Variants in MDN1 observed in about 807,000 individuals in gnomAD.
The protein encoded by MDN1 is midasin AAA ATPase 1, also known as midasin.
A neutral mutation model predicts 669.2 loss-of-function variants in MDN1; 266 were observed. The ratio of observed to expected loss-of-function variants is 0.40; its 90% CI spans 0.36 to 0.44. The LOEUF (loss-of-function observed/expected upper bound fraction) is 0.44. MDN1 is among the 20% of genes least tolerant of loss of function. The probability of loss-of-function intolerance (pLI) is 1.00; values close to 1 mark genes in which losing one functional copy is unlikely to be tolerated. For synonymous variants in MDN1, 2,385 were observed against 2,457.1 expected (o/e 0.97, Z 0.87); for missense variants, 5,940 against 6,754.0 (o/e 0.88, Z 4.22).
chr6:89,773,220 T>C (rs566818909), intron 13 of MDN1, among the ~76,000 whole-genome samples: 1 of 152,194 alleles, frequency 6.6e-6, no homozygotes, highest in East Asian at 1.9e-4. Flanking sequence ...CTGGTGTCCT[T>C]ATAAGAGGAA....
intron 83 of MDN1, among the ~76,000 whole-genome samples, chr6:89,670,377 A>C (rs1421403591): frequency 6.6e-6 from 1 of 151,020 alleles, no homozygotes; most frequent in Non-Finnish European, 1.5e-5. Flanking sequence ...GTTTCATCAT[A>C]ATATTGGTCA....
chr6:89,674,445 C>T lies in MDN1; in HGVS notation c.12906G>A (p.Glu4302=), dbSNP rs199799891. The change falls in exon 79 of 102, where the codon GAG becomes GAA. Residue 4302 remains glutamate, a synonymous_variant. Transcript: ENST00000369393. ...HLAMQCQILL[E]QLSWLLQCCP... is the part of the protein sequence containing the mutation. Reference sequence around the variant, plus strand: ...AGCACTGGAGGAGCCAGGAGAGCTGCTCAAGCAGGATCTGGCACTGCATGG... The same window carrying T: ...AGCACTGGAGGAGCCAGGAGAGCTGTTCAAGCAGGATCTGGCACTGCATGG... 1 of 1,614,030 alleles carries T rather than the reference C, an allele frequency of 6.2e-7. No individual in the cohort carries two copies. The highest frequency in any genetic ancestry group is 8.5e-7 in the Non-Finnish European group (1 of 1,179,982).
intron 1 of MDN1, among the ~76,000 whole-genome samples, chr6:89,809,689 T>C (rs1768252046): frequency 6.6e-6 from 1 of 151,340 alleles, no homozygotes; most frequent in South Asian, 2.1e-4. Flanking sequence ...GGCAGGAGAA[T>C]CGCTTGAACC....
At chr6:89,771,096 A>T (rs2128322568) in intron 15 of MDN1, among the ~76,000 whole-genome samples, 1 of 152,238 alleles carries the variant, frequency 6.6e-6, no homozygotes, top group African/African-American at 2.4e-5. Flanking sequence ...TGATGGTGGG[A>T]CCCTGAGGAA....
rs374081240 is a variant in MDN1 at position 89,655,759 on chromosome 6, C to T, written c.15490+5G>A. On this transcript the variant is annotated splice_donor_5th_base_variant and intron_variant, in intron 92 of 101. Transcript: ENST00000369393. Reference sequence around the variant, plus strand: ...GCAAAGGCAGCAGCTTTCCCAGGACCGTACCATAGGTCTGTGCATCGTATG... The same window carrying T: ...GCAAAGGCAGCAGCTTTCCCAGGACTGTACCATAGGTCTGTGCATCGTATG... The T allele has an allele frequency of 7.5e-6, 12 of 1,595,068 alleles. No individual in the cohort carries two copies. The South Asian group carries it at 9.1e-5, about 12-fold the overall frequency.
At position 89,747,321 on chromosome 6, in the gene MDN1, A is replaced by T; in HGVS notation, c.3904+8T>A. The T allele has an allele frequency of 6.2e-7, 1 of 1,607,582 alleles. No homozygotes were observed. Among genetic ancestry groups the T allele is most frequent in the Non-Finnish European group, 8.5e-7 (1 of 1,178,586 alleles). On this transcript the variant is annotated splice_region_variant and intron_variant, in intron 27 of 101. Coordinates refer to ENST00000369393, the MANE Select transcript of MDN1 (RefSeq NM_014611.3). Reference sequence around the variant, plus strand: ...CTATATATTGAGAGCATTTGATTGAAAACACACCATCATTGGCTAAATGCT... The same window carrying T: ...CTATATATTGAGAGCATTTGATTGATAACACACCATCATTGGCTAAATGCT...
At chr6:89,661,727 A>T (rs1809782379) in intron 87 of MDN1, 149 bp from the exon 88 acceptor site, 2 of 836,624 alleles carry the variant, frequency 2.4e-6, no homozygotes, top group Non-Finnish European at 1.8e-6. Flanking sequence ...TTAGTATTTT[A>T]TTTTTAGACC....
At chr6:89,707,544 T>C (rs926625739) in intron 51 of MDN1, 68 bp from the exon 52 acceptor site, 6 of 1,016,728 alleles carry the variant, frequency 5.9e-6, no homozygotes, top group Admixed American at 3.5e-5. Context: ...ATATCCTCTA[T>C]TTGCTGGAAC....
chr6:89,697,616 G>A lies in MDN1; in HGVS notation c.9169-1042C>T, dbSNP rs549869350. Among the ~76,000 whole-genome samples, 7 of 148,988 alleles carry A rather than the reference G, an allele frequency of 4.7e-5. No individual in the cohort carries two copies. The South Asian group carries it at 1.3e-3, about 27-fold the overall frequency. On this transcript the variant is annotated intron_variant, in intron 59 of 101. Coordinates refer to ENST00000369393, the MANE Select transcript of MDN1 (RefSeq NM_014611.3). The stretch of plus-strand genomic sequence containing the variant: ...TTTTTTTTTGAGACAGGGTCTCACT[G>A]TGTAACCCAGACTGGAGTGCAATGG...
intron 26 of MDN1, 102 bp downstream of exon 26, chr6:89,749,121 T>G: frequency 8.8e-7 from 1 of 1,141,960 alleles, no homozygotes; most frequent in Non-Finnish European, 1.2e-6. Context: ...AAATCTCTAC[T>G]TGGAAAAATA....
chr6:89,694,487 T>C (rs886421595), intron 61 of MDN1, among the ~76,000 whole-genome samples: 24 of 152,350 alleles, frequency 1.6e-4, no homozygotes, highest in Middle Eastern at 3.4e-3. Context: ...CTTAATGTAT[T>C]TAGTTCCTGA....
chr6:89,795,114 G>T (rs541125367), intron 2 of MDN1, among the ~76,000 whole-genome samples: 2 of 152,218 alleles, frequency 1.3e-5, no homozygotes, highest in South Asian at 4.1e-4. Flanking sequence ...TGACTAAGAG[G>T]ATACAAAAAT....
At chr6:89,674,698 A>G in intron 78 of MDN1, 109 bp from the exon 79 acceptor site, 1 of 1,415,382 alleles carries the variant, frequency 7.1e-7, no homozygotes, top group South Asian at 1.5e-5. Flanking sequence ...GCTTTTTCAT[A>G]CAGTCAAGAA....
intron 2 of MDN1, among the ~76,000 whole-genome samples, chr6:89,798,181 CAAAAAA>C (rs10706907): frequency 2.8e-5 from 2 of 71,526 alleles, no homozygotes; most frequent in South Asian, 5.4e-4. Flanking sequence ...GACTCTGTCT[CAAAAAA>C]AAAAAAAAAA....
chr6:89,663,572 T>C (rs1809959907), intron 85 of MDN1, among the ~76,000 whole-genome samples: 1 of 152,162 alleles, frequency 6.6e-6, no homozygotes, highest in Admixed American at 6.5e-5. Context: ...TGACAGATGA[T>C]GATGTACTTT....
At position 89,713,237 on chromosome 6, in the gene MDN1, G is replaced by C. The variant is rs967862537; in HGVS notation, c.7129C>G (p.Leu2377Val). 3 of 1,613,870 alleles carry C rather than the reference G, an allele frequency of 1.9e-6. No homozygotes were observed. The South Asian group carries it at 3.3e-5, about 18-fold the overall frequency. The part of the protein sequence containing the change: ...IQTAILIVQY[L>V]QRGLSLDRAF... Reference sequence around the variant, plus strand: ...CTGTCTAAACTCAGCCCTCGCTGCAGGTACTGGACAATTAGTATGGCTGTC... The same window carrying C: ...CTGTCTAAACTCAGCCCTCGCTGCACGTACTGGACAATTAGTATGGCTGTC... Residue 2377 changes from leucine (L) to valine (V), a missense_variant, in exon 47 of 102, where the codon CTG becomes GTG. By Grantham distance (32) the Leu-to-Val change is conservative. Coordinates refer to ENST00000369393, the MANE Select transcript of MDN1 (RefSeq NM_014611.3).
chr6:89,654,150 C>G lies in MDN1; in HGVS notation c.15661+14G>C. 1 of 1,613,876 alleles carries G rather than the reference C, an allele frequency of 6.2e-7. No individual in the cohort carries two copies. Among genetic ancestry groups the G allele is most frequent in the Non-Finnish European group, 8.5e-7 (1 of 1,179,858 alleles). ...AGAGCGCCTGGGAAGGGTTTGTTCA[C>G]TAGCAGGACTCACCCAAGGGTGCTG... On this transcript the variant is annotated intron_variant, in intron 93 of 101. Coordinates refer to ENST00000369393, the MANE Select transcript of MDN1 (RefSeq NM_014611.3).
At chr6:89,673,153 G>T in intron 80 of MDN1, 83 bp downstream of exon 80, 1 of 1,218,514 alleles carries the variant, frequency 8.2e-7, no homozygotes, top group South Asian at 1.3e-5. Context: ...AATATAATGT[G>T]TCTTTTGGAC....
chr6:89,708,232 G>A (rs960858967), intron 51 of MDN1, among the ~76,000 whole-genome samples: 10 of 152,166 alleles, frequency 6.6e-5, no homozygotes, highest in Non-Finnish European at 1.2e-4. Flanking sequence ...AAGGCCAGGA[G>A]GCAGAGGTTG....
Sources: allele counts gnomAD v4.1 joint callset (sites outside exome capture counted in the v4.1 genomes callset), GRCh38; gene constraint gnomAD v4.1.1; transcripts MANE v1.5; gene names NCBI Gene and HGNC (gene_info 2026-07-23, HGNC 2026-07-21).